Variants in RXFP1 observed in about 807,000 individuals in gnomAD.
RXFP1 encodes the protein relaxin receptor 1.
A neutral mutation model predicts 89.8 loss-of-function variants in RXFP1; 73 were observed. The ratio of observed to expected loss-of-function variants is 0.81; its 90% CI spans 0.67 to 0.99. The LOEUF is 0.99. RXFP1 is among the 50% of genes least tolerant of loss of function. The pLI, the probability that RXFP1 is intolerant of heterozygous loss-of-function variation, is 0.00. For missense variants in RXFP1, 793 were observed against 895.5 expected (o/e 0.89, Z 1.46); for synonymous variants, 277 against 305.5 (o/e 0.91, Z 0.97).
At chr4:158,542,721 G>T (rs1747121677) in intron 1 of RXFP1, among the ~76,000 whole-genome samples, 1 of 152,064 alleles carries the variant, frequency 6.6e-6, no homozygotes, top group Non-Finnish European at 1.5e-5. Flanking sequence ...TCACCTTTTG[G>T]CAATCATTGC....
Position 158,638,099 on chromosome 4 carries a change from GA to G in RXFP1, c.1043+21del. 7.1e-7 allele frequency: 1 copy of G among 1,417,104 alleles called. No homozygotes were observed. The highest frequency in any genetic ancestry group is 1.8e-4 in the Middle Eastern group (1 of 5,542). 87.8% of individuals were successfully genotyped at this position (1,417,104 alleles called of 1,614,324 possible). A position where few individuals can be genotyped will look rare whatever the true frequency, so the allele number is the denominator to read the frequency against. On this transcript the variant is annotated intron_variant, in intron 13 of 17. Transcript: ENST00000307765. Reference sequence around the variant, plus strand: ...GTCTCTGTAAGTATTCACATATGGGGATAGTTTTATGATAAAATTGTTTTTT... The same window carrying G: ...GTCTCTGTAAGTATTCACATATGGGGTAGTTTTATGATAAAATTGTTTTTT...
intron 1 of RXFP1, among the ~76,000 whole-genome samples, chr4:158,563,722 C>T (rs1752963655): frequency 1.3e-5 from 2 of 151,786 alleles, no homozygotes; most frequent in South Asian, 4.2e-4. Context: ...AACATATACT[C>T]ATAAAACATT....
intron 1 of RXFP1, among the ~76,000 whole-genome samples, chr4:158,545,630 G>A (rs1449405572): frequency 5.9e-5 from 9 of 152,152 alleles, no homozygotes; most frequent in African/African-American, 2.2e-4. Flanking sequence ...TTTTGTATAG[G>A]GTGTAAGGAA....
intron 1 of RXFP1, among the ~76,000 whole-genome samples, chr4:158,529,291 C>T (rs1743419585): frequency 6.7e-6 from 1 of 150,320 alleles, no homozygotes; most frequent in African/African-American, 2.4e-5. Flanking sequence ...CAGGGTTTTG[C>T]TCTGTGGCCC....
intron 1 of RXFP1, among the ~76,000 whole-genome samples, chr4:158,524,046 A>C (rs562657503): frequency 6.6e-6 from 1 of 152,324 alleles, no homozygotes; most frequent in African/African-American, 2.4e-5. Context: ...TCTTCTGAGC[A>C]TGTGAAATGG....
chr4:158,638,379 A>G (rs1008739881), intron 13 of RXFP1, among the ~76,000 whole-genome samples: 6 of 152,136 alleles, frequency 3.9e-5, no homozygotes, highest in African/African-American at 1.4e-4. Context: ...CACTCTCTTA[A>G]CACTGGGTAT....
chr4:158,630,559 A>G (rs577748423), intron 11 of RXFP1, among the ~76,000 whole-genome samples: 1 of 152,348 alleles, frequency 6.6e-6, no homozygotes, highest in South Asian at 2.1e-4. Context: ...TTATATATCA[A>G]TAACCAACAG....
intron 3 of RXFP1, among the ~76,000 whole-genome samples, chr4:158,595,764 TCACTCTTG>T (rs1760439521): frequency 6.6e-6 from 1 of 152,202 alleles, no homozygotes; most frequent in African/African-American, 2.4e-5. Context: ...GGGATAGACG[TCACTCTTG>T]TGAGATTCAC....
intron 2 of RXFP1, among the ~76,000 whole-genome samples, chr4:158,590,544 A>G (rs1024587362): frequency 6.6e-6 from 1 of 152,194 alleles, no homozygotes; most frequent in Admixed American, 6.5e-5. Context: ...CATTCTAATG[A>G]TTTATCGTAG....
chr4:158,565,104 T>A (rs1753278078), intron 1 of RXFP1, among the ~76,000 whole-genome samples: 1 of 151,682 alleles, frequency 6.6e-6, no homozygotes, highest in South Asian at 2.1e-4. Context: ...GTGGGGAGAG[T>A]GCTCATGTAA....
At chr4:158,630,242 T>C (rs1027811968) in intron 11 of RXFP1, among the ~76,000 whole-genome samples, 1 of 152,130 alleles carries the variant, frequency 6.6e-6, no homozygotes, top group African/African-American at 2.4e-5. Flanking sequence ...ACACTTTTGG[T>C]GGTCAGTACC....
intron 14 of RXFP1, among the ~76,000 whole-genome samples, chr4:158,639,619 C>G (rs1030625620): frequency 4.6e-5 from 7 of 152,134 alleles, no homozygotes; most frequent in Non-Finnish European, 8.8e-5. Flanking sequence ...CCTGTAATCC[C>G]AGCACTTTGG....
chr4:158,529,865 T>G (rs1276279931), intron 1 of RXFP1, among the ~76,000 whole-genome samples: 1 of 152,228 alleles, frequency 6.6e-6, no homozygotes, highest in Non-Finnish European at 1.5e-5. Flanking sequence ...TCTACTCATT[T>G]CATTTCCCTA....
At chr4:158,625,761 A>G (rs964978421) in intron 9 of RXFP1, among the ~76,000 whole-genome samples, 2 of 152,138 alleles carry the variant, frequency 1.3e-5, no homozygotes, top group Non-Finnish European at 2.9e-5. Context: ...TAATAGCTGT[A>G]TCACACTTCT....
At chr4:158,531,482 T>A (rs1330606257) in intron 1 of RXFP1, among the ~76,000 whole-genome samples, 1 of 152,154 alleles carries the variant, frequency 6.6e-6, no homozygotes, top group Non-Finnish European at 1.5e-5. Flanking sequence ...GAACACAAAA[T>A]TTACTTCTAT....
chr4:158,546,308 G>A (rs775363061), intron 1 of RXFP1, among the ~76,000 whole-genome samples: 4 of 152,158 alleles, frequency 2.6e-5, no homozygotes, highest in Non-Finnish European at 5.9e-5. Flanking sequence ...TTTGTATCCC[G>A]AGACTTTTCT....
intron 2 of RXFP1, among the ~76,000 whole-genome samples, chr4:158,573,726 A>G (rs1442023355): frequency 6.6e-6 from 1 of 152,168 alleles, no homozygotes; most frequent in East Asian, 1.9e-4. Context: ...ACGATAAGCA[A>G]TTATGTAAGC....
Position 158,645,064 on chromosome 4 carries a change from T to G in RXFP1, c.1271T>G (p.Ile424Ser). The G allele has an allele frequency of 6.2e-7, 1 of 1,614,194 alleles. No homozygotes were observed. Among genetic ancestry groups the G allele is most frequent in the South Asian group, 1.1e-5 (1 of 91,078 alleles). The change falls in exon 15 of 18, where the codon ATT becomes AGT. Residue 424 changes from isoleucine (I) to serine (S), a missense_variant. Coordinates refer to ENST00000307765, the MANE Select transcript of RXFP1 (RefSeq NM_021634.4). ...VVSAVTCFGN[I>S]FVICMRPYIR... ...TCTGCAGTTACCTGCTTTGGAAACA[T>G]TTTTGTCATTTGCATGCGACCTTAT...
intron 4 of RXFP1, among the ~76,000 whole-genome samples, chr4:158,601,302 G>A (rs1210482366): frequency 6.6e-6 from 1 of 152,054 alleles, no homozygotes; most frequent in African/African-American, 2.4e-5. Flanking sequence ...TGACTCCAAG[G>A]TTTCCCTTCT....
Sources: allele counts gnomAD v4.1 joint callset (sites outside exome capture counted in the v4.1 genomes callset), GRCh38; gene constraint gnomAD v4.1.1; transcripts MANE v1.5; gene names NCBI Gene and HGNC (gene_info 2026-07-23, HGNC 2026-07-21).